The following SAMD9L variants were observed in gnomAD, a reference collection of about 807,000 sequenced individuals.
SAMD9L encodes the protein sterile alpha motif domain containing 9 like.
In SAMD9L, 68 loss-of-function variants were observed where a neutral mutation model predicts 90.7. The ratio of observed to expected loss-of-function variants is 0.75; its 90% confidence interval spans 0.62 to 0.92. The LOEUF (loss-of-function observed/expected upper bound fraction) is 0.92. Ranked by LOEUF, SAMD9L falls within the 40% of genes least tolerant of loss-of-function variation. The pLI is 0.00. For synonymous variants in SAMD9L, 640 were observed against 630.1 expected, an observed-to-expected ratio of 1.02 and a Z score of -0.23; for missense variants, 1,604 against 1,824.3, an observed-to-expected ratio of 0.88 and a Z score of 2.20.
At position 93,135,257 on chromosome 7, in the gene SAMD9L, AATGG is replaced by A. The variant is rs1479845188; in HGVS notation, c.711_714del (p.His238LeufsTer14). On this transcript the variant is annotated frameshift_variant, in exon 5 of 5. Coordinates refer to ENST00000318238, the MANE Select transcript of SAMD9L (RefSeq NM_152703.5). LOFTEE classifies it low-confidence loss of function (END_TRUNC). ...CCATGGGGTTTGTCCTTGACTCCAA[AATGG>A]ATGGTGCCATTGGTGCGTGAATTCA... 1.2e-6 allele frequency: 2 copies of A among 1,613,954 alleles called. No homozygotes were observed. Among genetic ancestry groups the A allele is most frequent in the Non-Finnish European group, 1.7e-6 (2 of 1,179,978 alleles).
Position 93,135,020 on chromosome 7 carries a change from C to A in SAMD9L, c.952G>T (p.Asp318Tyr), listed in dbSNP as rs748278704. 1 of 1,612,470 alleles carries A rather than the reference C, an allele frequency of 6.2e-7. No individual in the cohort carries two copies. Among genetic ancestry groups the A allele is most frequent in the Non-Finnish European group, 8.5e-7 (1 of 1,178,642 alleles). Residue 318 changes from aspartate to tyrosine, a missense_variant, in exon 5 of 5, where the codon GAT (aspartate) becomes TAT (tyrosine). By Grantham distance (160) the Asp-to-Tyr change is radical. Transcript: ENST00000318238. ...TGCATCTGAATGTAGAAATACTTAT[C>A]ATTACATATAGAGTGTTTTGGAATA... is the stretch of plus-strand genomic sequence containing the variant. ...DTIPKHSICN[D>Y]KYFYIQMQIC...
intron 3 of SAMD9L, 97 bp from the exon 4 acceptor site, chr7:93,144,930 A>G (rs1792834192): frequency 6.6e-6 from 1 of 152,240 alleles, no homozygotes; most frequent in Admixed American, 6.5e-5. Flanking sequence ...AGATGTGCAT[A>G]AAAGTCTTAC....
rs1792071265 is a variant in SAMD9L at position 93,131,199 on chromosome 7, T to C, written c.*18A>G. 1 of 1,327,620 alleles carries C rather than the reference T, an allele frequency of 7.5e-7. No individual in the cohort carries two copies. The highest frequency in any genetic ancestry group is 1.0e-6 in the Non-Finnish European group (1 of 970,504). The allele number at this position is 1,327,620 out of a possible 1,614,324, so 82.2% of individuals were successfully genotyped here. A position where few individuals can be genotyped will look rare whatever the true frequency, so the allele number is the denominator to read the frequency against. ...AAGATATAAATAAACGTATTTGAACTACAGGTGATGTATTGTCTTAAATTA... is the reference window on the plus strand; with the variant it reads ...AAGATATAAATAAACGTATTTGAACCACAGGTGATGTATTGTCTTAAATTA... On this transcript the variant is annotated 3_prime_UTR_variant, in exon 5 of 5. Transcript: ENST00000318238.
Position 93,144,760 on chromosome 7 carries a change from T to A in SAMD9L, c.-49A>T, listed in dbSNP as rs1792827592. 1 of 152,246 alleles carries A rather than the reference T, an allele frequency of 6.6e-6. No homozygotes were observed. Among genetic ancestry groups the A allele is most frequent in the Admixed American group, 6.5e-5 (1 of 15,276 alleles). The allele number at this position is 152,246 out of a possible 1,614,324, so 9.4% of individuals were successfully genotyped here. A position where few individuals can be genotyped will look rare whatever the true frequency, so the allele number is the denominator to read the frequency against. On this transcript the variant is annotated 5_prime_UTR_variant, in exon 4 of 5. Transcript: ENST00000318238. ...ACTGGGCTCACTCACTCACTTTCCG[T>A]GCCTCCGGGAAAGGATGCTCAGAAT...
Position 93,135,018 on chromosome 7 carries a change from A to G in SAMD9L, c.954T>C (p.Asp318=), listed in dbSNP as rs1792358874. The change falls in exon 5 of 5, where the codon GAT becomes GAC. Residue 318 remains aspartate (D), a synonymous_variant. Transcript: ENST00000318238. ...TTTGCATCTGAATGTAGAAATACTT[A>G]TCATTACATATAGAGTGTTTTGGAA... ...DTIPKHSICN[D]KYFYIQMQIC... 2 of 1,612,588 alleles carry G rather than the reference A, an allele frequency of 1.2e-6. No individual in the cohort carries two copies. The highest frequency in any genetic ancestry group is 1.1e-5 in the South Asian group (1 of 91,056).
rs1792437777 is a variant in SAMD9L at position 93,135,990 on chromosome 7, T to C, written c.-19A>G. ...TACTCATATCAAAGCTTCAACTTCTTCCTGAGACAAAGCAATATAATAAGT... is the reference window on the plus strand; with the variant it reads ...TACTCATATCAAAGCTTCAACTTCTCCCTGAGACAAAGCAATATAATAAGT... On this transcript the variant is annotated splice_region_variant and 5_prime_UTR_variant, in exon 5 of 5. Transcript: ENST00000318238. The C allele has an allele frequency of 6.6e-7, 1 of 1,526,028 alleles. No individual in the cohort carries two copies. The highest frequency in any genetic ancestry group is 1.3e-5 in the South Asian group (1 of 75,778). 94.5% of individuals were successfully genotyped at this position (1,526,028 alleles called of 1,614,324 possible). A position where few individuals can be genotyped will look rare whatever the true frequency, so the allele number is the denominator to read the frequency against.
rs267601634 is a variant in SAMD9L, at chr7:93,132,213, G to A, written c.3759C>T (p.Phe1253=). ...ATTGTAAATTTTTTAGGTGGGATGTGAACTTGCTAAGAGCCAAATAACATT... is the reference window on the plus strand; with the variant it reads ...ATTGTAAATTTTTTAGGTGGGATGTAAACTTGCTAAGAGCCAAATAACATT... ...RNECYLALSK[F]TSHLKNLQSD... Residue 1253 remains phenylalanine (F), a synonymous_variant, in exon 5 of 5, where the codon TTC becomes TTT. Transcript: ENST00000318238. 1.2e-6 allele frequency: 2 copies of A among 1,613,798 alleles called. No individual in the cohort carries two copies. Among genetic ancestry groups the A allele is most frequent in the South Asian group, 2.2e-5 (2 of 91,072 alleles).
chr7:93,147,814 C>G (rs142820223), intron 1 of SAMD9L, among the ~76,000 whole-genome samples: 20 of 152,146 alleles, frequency 1.3e-4, no homozygotes, highest in African/African-American at 4.6e-4. Context: ...TAACATCTTA[C>G]GTTATGAAGA....
chr7:93,132,414 C>T lies in SAMD9L; in HGVS notation c.3558G>A (p.Gln1186=). 3.1e-6 allele frequency: 5 copies of T among 1,613,806 alleles called. No individual in the cohort carries two copies. The highest frequency in any genetic ancestry group is 4.2e-6 in the Non-Finnish European group (5 of 1,179,830). Reference sequence around the variant, plus strand: ...CTGTGTTATACATGTCATATCGTCTCTGGGACTTCTGTGGTGACCAGTTCT... The same window carrying T: ...CTGTGTTATACATGTCATATCGTCTTTGGGACTTCTGTGGTGACCAGTTCT... The part of the protein sequence containing the change: ...ETENWSPQKS[Q]RRYDMYNTAC... The change falls in exon 5 of 5, where the codon CAG becomes CAA. Residue 1186 remains glutamine, a synonymous_variant. Transcript: ENST00000318238.
Position 93,134,697 on chromosome 7 carries a change from A to G in SAMD9L, c.1275T>C (p.His425=). 1.2e-6 allele frequency: 2 copies of G among 1,613,694 alleles called. No individual in the cohort carries two copies. The highest frequency in any genetic ancestry group is 1.7e-6 in the Non-Finnish European group (2 of 1,179,882). The part of the protein sequence containing the change: ...DWYILVTNKC[H]PNQIKHLDFL... The stretch of plus-strand genomic sequence containing the variant: ...AATCTAAGTGCTTTATTTGGTTTGG[A>G]TGGCATTTATTTGTTACAAGAATGT... The change falls in exon 5 of 5, where the codon CAT becomes CAC. Residue 425 remains histidine, a synonymous_variant. Coordinates refer to ENST00000318238, the MANE Select transcript of SAMD9L (RefSeq NM_152703.5).
intron 4 of SAMD9L, among the ~76,000 whole-genome samples, chr7:93,139,547 A>T (rs116843088): frequency 0.012 from 1,758 of 152,316 alleles, 27 homozygotes; most frequent in East Asian, 0.081. Context: ...CTACAAGCCA[A>T]GAATCACCAA....
intron 1 of SAMD9L, among the ~76,000 whole-genome samples, 167 bp from the exon 2 acceptor site, chr7:93,147,313 C>G (rs983151893): frequency 4.6e-5 from 7 of 152,142 alleles, no homozygotes; most frequent in Non-Finnish European, 1.0e-4. Context: ...TTTCTAGGGG[C>G]CCTCAGTGTC....
chr7:93,132,959 G>A lies in SAMD9L; in HGVS notation c.3013C>T (p.His1005Tyr). The A allele has an allele frequency of 1.2e-6, 2 of 1,613,484 alleles. No homozygotes were observed. Among genetic ancestry groups the A allele is most frequent in the Non-Finnish European group, 1.7e-6 (2 of 1,179,702 alleles). The change falls in exon 5 of 5, where the codon CAC becomes TAC. Residue 1005 changes from histidine (H) to tyrosine (Y), a missense_variant. Physicochemically the swap from His to Tyr is moderately conservative, Grantham distance 83. Coordinates refer to ENST00000318238, the MANE Select transcript of SAMD9L (RefSeq NM_152703.5). The part of the protein sequence containing the change: ...YCLKELERSY[H>Y]LDKCQIALNI... The stretch of plus-strand genomic sequence containing the variant: ...AATGCAATTTGACATTTATCCAAGT[G>A]ATAGCTTCTTTCCAGTTCTTTTAGA...
Position 93,133,922 on chromosome 7 carries a change from C to G in SAMD9L, c.2050G>C (p.Glu684Gln). Reference protein sequence around the residue: ...SKFLEFKKSKEEHFYRGGKVS... With the variant: ...SKFLEFKKSKQEHFYRGGKVS... Reference sequence around the variant, plus strand: ...TTGCCACCTCGATAAAAGTGTTCTTCTTTTGATTTCTTAAACTCCAGGAAT... The same window carrying G: ...TTGCCACCTCGATAAAAGTGTTCTTGTTTTGATTTCTTAAACTCCAGGAAT... Residue 684 changes from glutamate to glutamine, a missense_variant, in exon 5 of 5, where the codon GAA becomes CAA. By Grantham distance (29) the Glu-to-Gln change is conservative (BLOSUM62 2). This residue lies in a region of SAMD9L where 606 missense variants were observed against 717.6 expected (regional missense o/e 0.84). Transcript: ENST00000318238. 1 of 1,613,776 alleles carries G rather than the reference C, an allele frequency of 6.2e-7. No individual in the cohort carries two copies. The highest frequency in any genetic ancestry group is 8.5e-7 in the Non-Finnish European group (1 of 1,179,846).
Position 93,130,589 on chromosome 7 carries a change from T to A in SAMD9L, c.*628A>T. 1 of 152,110 alleles carries A rather than the reference T, an allele frequency of 6.6e-6. No homozygotes were observed. Among genetic ancestry groups the A allele is most frequent in the Non-Finnish European group, 1.5e-5 (1 of 68,078 alleles). The allele number at this position is 152,110 out of a possible 1,614,324, so 9.4% of individuals were successfully genotyped here. On this transcript the variant is annotated 3_prime_UTR_variant, in exon 5 of 5. Coordinates refer to ENST00000318238, the MANE Select transcript of SAMD9L (RefSeq NM_152703.5). ...AGAGAATGGAGAGAGTTCAAGTTTA[T>A]GATTACTTTATTTTTTGAACTCTTC...
At position 93,132,240 on chromosome 7, in the gene SAMD9L, A is replaced by T. The variant is rs555805577; in HGVS notation, c.3732T>A (p.Asn1244Lys). The change falls in exon 5 of 5, where the codon AAT becomes AAA. Residue 1244 changes from asparagine to lysine, a missense_variant. Coordinates refer to ENST00000318238, the MANE Select transcript of SAMD9L (RefSeq NM_152703.5). ...ACTTGCTAAGAGCCAAATAACATTC[A>T]TTTCTGGGATCAGGAGGAATGGTCC... is the stretch of plus-strand genomic sequence containing the variant. Reference protein sequence around the residue: ...GKWTIPPDPRNECYLALSKFT... With the variant: ...GKWTIPPDPRKECYLALSKFT... The T allele has an allele frequency of 1.9e-6, 3 of 1,613,828 alleles. No homozygotes were observed. The South Asian group carries it at 3.3e-5, about 18-fold the overall frequency.
At position 93,135,277 on chromosome 7, in the gene SAMD9L, C is replaced by T. The variant is rs574472008; in HGVS notation, c.695G>A (p.Arg232His). The change falls in exon 5 of 5, where the codon CGC becomes CAC. Residue 232 changes from arginine (R) to histidine (H), a missense_variant. Around this residue, in one of 7 missense-constraint regions of SAMD9L, gnomAD observed 374 missense variants for 363.6 expected, o/e 1.03. Transcript: ENST00000318238. ...FRFASACMNSRTNGTIHFGVK... is the reference protein window; with the variant it reads ...FRFASACMNSHTNGTIHFGVK... ...TCCAAAATGGATGGTGCCATTGGTG[C>T]GTGAATTCATACAAGCTGATGCAAA... 526 of 1,614,088 alleles carry T rather than the reference C, an allele frequency of 3.3e-4. 7 individuals are homozygous for T. The South Asian group carries it at 5.1e-3, about 16-fold the overall frequency.
chr7:93,143,548 G>A (rs942600106), intron 4 of SAMD9L, among the ~76,000 whole-genome samples: 1 of 152,190 alleles, frequency 6.6e-6, no homozygotes, highest in African/African-American at 2.4e-5. Context: ...CAGAATTGAA[G>A]GAATCCAAAG....
In SAMD9L at chr7:93,134,241, C is replaced by A. The variant is rs1184936221; in HGVS notation, c.1731G>T (p.Met577Ile). 9.9e-6 allele frequency: 16 copies of A among 1,613,518 alleles called. No individual in the cohort carries two copies. Among genetic ancestry groups the A allele is most frequent in the Non-Finnish European group, 1.4e-5 (16 of 1,179,816 alleles). ...TATGTGAGTTTACAGAGATACACAA[C>A]ATATTTTCCATTCCTTTGAGAGCTT... ...FYQALKGMEN[M>I]LCISVNSHIY... is the part of the protein sequence containing the mutation. Residue 577 changes from methionine (M) to isoleucine (I), a missense_variant, in exon 5 of 5, where the codon ATG becomes ATT. Coordinates refer to ENST00000318238, the MANE Select transcript of SAMD9L (RefSeq NM_152703.5).
Sources: allele counts gnomAD v4.1 joint callset (sites outside exome capture counted in the v4.1 genomes callset), GRCh38; gene constraint gnomAD v4.1.1; regional missense constraint gnomAD v4.1.1; transcripts MANE v1.5; gene names NCBI Gene and HGNC (gene_info 2026-07-23, HGNC 2026-07-21).